Variants in SORCS1 observed in about 807,000 individuals in gnomAD.
SORCS1 encodes sortilin related VPS10 domain containing receptor 1.
In SORCS1, 60 loss-of-function variants were observed where a neutral mutation model predicts 146.1. That is an observed-to-expected ratio of 0.41 (90% CI 0.33 to 0.51). SORCS1 has a LOEUF of 0.51. Ranked by LOEUF, SORCS1 falls within the 20% of genes least tolerant of loss-of-function variation. SORCS1 has a pLI of 0.21. For missense variants in SORCS1, 1,352 were observed against 1,487.6 expected, an observed-to-expected ratio of 0.91 and a Z score of 1.50; for synonymous variants, 637 against 584.0, an observed-to-expected ratio of 1.09 and a Z score of -1.31.
intron 1 of SORCS1, among the ~76,000 whole-genome samples, chr10:107,162,339 A>G (rs954103067): frequency 2.0e-5 from 3 of 152,344 alleles, no homozygotes; most frequent in South Asian, 2.1e-4. Context: ...TTAAAGCCAG[A>G]AGCTTTGAGT....
intron 2 of SORCS1, among the ~76,000 whole-genome samples, chr10:106,945,191 C>A (rs1954268292): frequency 6.6e-6 from 1 of 151,726 alleles, no homozygotes. Context: ...TCCAGCCAAG[C>A]CTACTTTTAA....
chr10:106,919,183 T>C (rs1474471241), intron 2 of SORCS1, among the ~76,000 whole-genome samples: 1 of 152,220 alleles, frequency 6.6e-6, no homozygotes, highest in Non-Finnish European at 1.5e-5. Context: ...ACCACTTAAA[T>C]ACTTCTATTT....
chr10:106,700,483 G>GTCC (rs1483330430), intron 8 of SORCS1, among the ~76,000 whole-genome samples: 1 of 151,754 alleles, frequency 6.6e-6, no homozygotes, highest in Non-Finnish European at 1.5e-5. Flanking sequence ...AACCACAAAG[G>GTCC]TAGAAGAACA....
chr10:106,968,357 C>G (rs80341664), intron 1 of SORCS1, among the ~76,000 whole-genome samples: 5,781 of 152,284 alleles, frequency 0.038, 152 homozygotes, highest in Non-Finnish European at 0.053. Context: ...TCCATGCTCT[C>G]AAATCAGTAT....
intron 1 of SORCS1, among the ~76,000 whole-genome samples, chr10:106,977,575 G>A (rs1956080487): frequency 7.0e-6 from 1 of 142,252 alleles, no homozygotes; most frequent in Admixed American, 7.0e-5. Context: ...TGTTTAACCT[G>A]TGTCATTCAT....
intron 1 of SORCS1, among the ~76,000 whole-genome samples, chr10:106,980,938 C>T (rs963140342): frequency 6.6e-5 from 10 of 151,312 alleles, no homozygotes; most frequent in African/African-American, 1.7e-4. Context: ...TAATTTATTT[C>T]GTTTAAGCTT....
chr10:107,089,059 T>C (rs1179080296), intron 1 of SORCS1, among the ~76,000 whole-genome samples: 17 of 152,236 alleles, frequency 1.1e-4, no homozygotes, highest in Admixed American at 1.1e-3. Flanking sequence ...AAGACATTCA[T>C]GGAAAATAGG....
intron 1 of SORCS1, among the ~76,000 whole-genome samples, chr10:107,058,068 G>A (rs1031226969): frequency 6.6e-6 from 1 of 152,078 alleles, no homozygotes; most frequent in Non-Finnish European, 1.5e-5. Context: ...TTGAGACGGA[G>A]TCTTGCTCTG....
chr10:107,038,707 G>T (rs1413118355), intron 1 of SORCS1, among the ~76,000 whole-genome samples: 4 of 149,904 alleles, frequency 2.7e-5, no homozygotes, highest in African/African-American at 4.9e-5. Flanking sequence ...GGGGGGGGAG[G>T]TGGTAGTGGT....
intron 1 of SORCS1, among the ~76,000 whole-genome samples, chr10:106,969,610 A>C (rs1955668564): frequency 6.6e-6 from 1 of 152,180 alleles, no homozygotes; most frequent in Admixed American, 6.5e-5. Context: ...CATAAAGAAA[A>C]CGAGATCTAA....
At chr10:106,667,645 G>T in intron 17 of SORCS1, 44 bp downstream of exon 17, 1 of 1,344,260 alleles carries the variant, frequency 7.4e-7, no homozygotes, top group Non-Finnish European at 1.1e-6. Flanking sequence ...GTGCTGAAAG[G>T]CAGCAAAGGT....
chr10:107,083,110 C>CA (rs538577059), intron 1 of SORCS1, among the ~76,000 whole-genome samples: 1,337 of 60,386 alleles, frequency 0.022, 25 homozygotes, highest in African/African-American at 0.059. Flanking sequence ...CTCCAACTCA[C>CA]AAAAAAAAAA....
chr10:107,164,655 G>C lies in SORCS1; in HGVS notation c.-129C>G. On this transcript the variant is annotated 5_prime_UTR_variant, in exon 1 of 26. Transcript: ENST00000263054. The surrounding 1 kb of genome is among the most constrained non-coding windows in gnomAD (Gnocchi z 6.8). ...ATCCAAGTTGCGCCGCGGTGGGGGC[G>C]GGCGGAGGCGGCGCCGGGCAGGTGG... The C allele has an allele frequency of 1.4e-6, 1 of 721,696 alleles. No individual in the cohort carries two copies. The highest frequency in any genetic ancestry group is 1.9e-6 in the Non-Finnish European group (1 of 520,234). The allele number at this position is 721,696 out of a possible 1,614,324, so 44.7% of individuals were successfully genotyped here.
intron 1 of SORCS1, among the ~76,000 whole-genome samples, chr10:107,144,942 C>G (rs965534247): frequency 6.6e-6 from 1 of 152,176 alleles, no homozygotes; most frequent in Non-Finnish European, 1.5e-5. Context: ...AGAATAGTTA[C>G]GTCAATATAC....
chr10:106,963,912 C>T (rs1411745405), intron 1 of SORCS1, among the ~76,000 whole-genome samples: 1 of 152,050 alleles, frequency 6.6e-6, no homozygotes, highest in Non-Finnish European at 1.5e-5. Context: ...CAGGTACTCA[C>T]GAAATATGAG....
At chr10:106,728,237 GGCCAGGAT>G (rs1856346814) in intron 6 of SORCS1, among the ~76,000 whole-genome samples, 1 of 152,088 alleles carries the variant, frequency 6.6e-6, no homozygotes, top group African/African-American at 2.4e-5. Flanking sequence ...TCACCATGTT[GGCCAGGAT>G]GGTCTCTATC....
Position 106,752,440 on chromosome 10 carries a change from T to C in SORCS1, c.959+9148A>G, listed in dbSNP as rs143778707. On this transcript the variant is annotated intron_variant, in intron 5 of 25. Transcript: ENST00000263054. ...CATAATAGGTGCTAAAAATTAATCATTGCTAAAATAAATAAGGACAGATAT... is the reference window on the plus strand; with the variant it reads ...CATAATAGGTGCTAAAAATTAATCACTGCTAAAATAAATAAGGACAGATAT... Among the ~76,000 whole-genome samples the C allele has an allele frequency of 4.1e-3, 618 of 152,240 alleles. 5 individuals are homozygous for C. Among genetic ancestry groups the C allele is most frequent in the African/African-American group, 0.014 (584 of 41,536 alleles).
chr10:107,011,258 TGTC>T (rs1160820673), intron 1 of SORCS1, among the ~76,000 whole-genome samples: 2 of 152,212 alleles, frequency 1.3e-5, no homozygotes, highest in East Asian at 3.8e-4. Context: ...ATTGAAAACT[TGTC>T]AGTTCGTATT....
chr10:107,115,067 TA>T (rs1965936475), intron 1 of SORCS1, among the ~76,000 whole-genome samples: 1 of 151,912 alleles, frequency 6.6e-6, no homozygotes, highest in Admixed American at 6.6e-5. Context: ...ATACCTACAC[TA>T]AAAACTATAA....
Sources: gnomAD v4.1 joint callset for allele counts (sites outside exome capture counted in the v4.1 genomes callset) on GRCh38, gnomAD v4.1.1 for gene constraint, Gnocchi (gnomAD v3.1) non-coding constraint, MANE v1.5 for transcripts, NCBI Gene and HGNC (gene_info 2026-07-23, HGNC 2026-07-21) for gene names.